ADCK1: variants seen among roughly 807,000 people sequenced by gnomAD.
The protein encoded by ADCK1 is aarF domain containing kinase 1.
ADCK1 carries 41 observed loss-of-function variants against 52.3 expected under a neutral mutation model. That is an observed-to-expected ratio of 0.78 (90% CI 0.61 to 1.02). The LOEUF is 1.02. ADCK1 is among the 50% of genes least tolerant of loss of function. The pLI, the probability that ADCK1 is intolerant of heterozygous loss-of-function variation, is 0.00. For missense variants in ADCK1, 658 were observed against 679.5 expected, an observed-to-expected ratio of 0.97 and a Z score of 0.35; for synonymous variants, 250 against 274.6, an observed-to-expected ratio of 0.91 and a Z score of 0.89.
intron 1 of ADCK1, among the ~76,000 whole-genome samples, chr14:77,802,543 C>A (rs188991408): frequency 2.6e-5 from 4 of 151,980 alleles, no homozygotes; most frequent in Admixed American, 2.0e-4. Context: ...CTCTGCCTCT[C>A]GGGTTCCAGC....
intron 4 of ADCK1, among the ~76,000 whole-genome samples, chr14:77,878,934 C>T (rs1042358266): frequency 1.3e-5 from 2 of 149,898 alleles, no homozygotes; most frequent in Non-Finnish European, 3.0e-5. Context: ...TCCCCCCCCA[C>T]GAATGAATGA....
intron 4 of ADCK1, among the ~76,000 whole-genome samples, chr14:77,880,451 A>G (rs1404588612): frequency 6.6e-6 from 1 of 152,252 alleles, no homozygotes; most frequent in Non-Finnish European, 1.5e-5. Context: ...GAACCCCAGA[A>G]AGAACACAAA....
chr14:77,890,960 A>G (rs943494754), intron 5 of ADCK1, among the ~76,000 whole-genome samples: 13 of 152,106 alleles, frequency 8.5e-5, no homozygotes, highest in African/African-American at 2.4e-5. Context: ...CCTAAGGGAG[A>G]TTCAAGCGAC....
At chr14:77,849,534 G>T (rs8006218) in intron 3 of ADCK1, among the ~76,000 whole-genome samples, 100,941 of 151,896 alleles carry the variant, frequency 0.66, 34,443 homozygotes, top group Middle Eastern at 0.83. Context: ...CTTGACCTCC[G>T]GGGCTCAAGC....
chr14:77,928,956 T>C (rs1350774087), intron 9 of ADCK1, among the ~76,000 whole-genome samples: 7 of 152,150 alleles, frequency 4.6e-5, no homozygotes, highest in Non-Finnish European at 4.4e-5. Context: ...AACTATGTGG[T>C]GAGTACTTGG....
intron 3 of ADCK1, chr14:77,827,750 T>A: frequency 2.7e-6 from 1 of 366,896 alleles, no homozygotes; most frequent in South Asian, 2.1e-5. Context: ...TGGAGCCATT[T>A]TGGACCTGGA....
chr14:77,807,942 C>G (rs1386796021), intron 1 of ADCK1, among the ~76,000 whole-genome samples: 1 of 152,184 alleles, frequency 6.6e-6, no homozygotes, highest in Non-Finnish European at 1.5e-5. Flanking sequence ...CACTCCTGGC[C>G]TGAGAGTCAC....
At chr14:77,885,250 G>A (rs1329965428) in intron 4 of ADCK1, among the ~76,000 whole-genome samples, 2 of 152,124 alleles carry the variant, frequency 1.3e-5, no homozygotes, top group Middle Eastern at 6.3e-3. Context: ...GGATGACAAG[G>A]GAAGAATTTT....
At chr14:77,834,044 C>T (rs73319438) in intron 3 of ADCK1, among the ~76,000 whole-genome samples, 2,253 of 152,262 alleles carry the variant, frequency 0.015, 55 homozygotes, top group African/African-American at 0.051. Flanking sequence ...AGTTATAGCC[C>T]GTGGGTACTT....
At chr14:77,859,412 A>C in intron 4 of ADCK1, 133 bp downstream of exon 4, 1 of 867,452 alleles carries the variant, frequency 1.2e-6, no homozygotes, top group Non-Finnish European at 1.7e-6. Flanking sequence ...AGCCACTCTC[A>C]GTGCTGAAAT....
At chr14:77,925,202 A>G (rs2084160955) in intron 8 of ADCK1, among the ~76,000 whole-genome samples, 1 of 152,234 alleles carries the variant, frequency 6.6e-6, no homozygotes. Flanking sequence ...AACGAAGTAG[A>G]ATGCATTAGT....
At chr14:77,819,571 T>C (rs10483887) in intron 2 of ADCK1, among the ~76,000 whole-genome samples, 5,903 of 152,308 alleles carry the variant, frequency 0.039, 183 homozygotes, top group South Asian at 0.12. Flanking sequence ...CATACCCAGA[T>C]GGTCTAGCCC....
intron 3 of ADCK1, among the ~76,000 whole-genome samples, chr14:77,836,577 G>A (rs1376581001): frequency 2.0e-5 from 3 of 152,106 alleles, no homozygotes; most frequent in South Asian, 2.1e-4. Context: ...TAAGGCAATA[G>A]AAGTTTATTC....
intron 1 of ADCK1, among the ~76,000 whole-genome samples, chr14:77,801,141 G>A (rs2081100820): frequency 6.6e-6 from 1 of 152,164 alleles, no homozygotes; most frequent in Non-Finnish European, 1.5e-5. Context: ...ATGCACCAGA[G>A]TCACCTGGAG....
chr14:77,827,062 T>C (rs1416293044), intron 3 of ADCK1, among the ~76,000 whole-genome samples: 1 of 151,926 alleles, frequency 6.6e-6, no homozygotes, highest in Non-Finnish European at 1.5e-5. Flanking sequence ...TGCAAAGAAA[T>C]GCATAATTTG....
intron 7 of ADCK1, among the ~76,000 whole-genome samples, chr14:77,915,533 G>A (rs1291471234): frequency 6.6e-6 from 1 of 152,084 alleles, no homozygotes; most frequent in East Asian, 1.9e-4. Context: ...ATGATAGACT[G>A]GATTAAGAAA....
chr14:77,804,872 C>A (rs935247298), intron 1 of ADCK1, among the ~76,000 whole-genome samples: 1 of 152,106 alleles, frequency 6.6e-6, no homozygotes, highest in Non-Finnish European at 1.5e-5. Context: ...TGCCTTGTGC[C>A]ACAATGCAGA....
chr14:77,850,588 T>A (rs1394787543), intron 3 of ADCK1, among the ~76,000 whole-genome samples: 1 of 152,108 alleles, frequency 6.6e-6, no homozygotes, highest in Non-Finnish European at 1.5e-5. Flanking sequence ...TGAAATCAAT[T>A]TTGTCTGCTA....
rs2140312876 is a variant in ADCK1, at chr14:77,934,826, G to A, written c.*1435G>A. ...CAGCAAGCAGATTTTTCAGTGATCA[G>A]TGACAATTCACAATCCTTTTATTTC... On this transcript the variant is annotated 3_prime_UTR_variant, in exon 11 of 11. Transcript: ENST00000238561. The A allele has an allele frequency of 6.6e-6, 1 of 152,332 alleles. No homozygotes were observed. The highest frequency in any genetic ancestry group is 1.9e-4 in the East Asian group (1 of 5,188). 9.4% of individuals were successfully genotyped at this position (152,332 alleles called of 1,614,324 possible).
Sources: gnomAD v4.1 joint callset for allele counts (sites outside exome capture counted in the v4.1 genomes callset) on GRCh38, gnomAD v4.1.1 for gene constraint, MANE v1.5 for transcripts, NCBI Gene and HGNC (gene_info 2026-07-23, HGNC 2026-07-21) for gene names.